FAT4: variants seen among roughly 807,000 people sequenced by gnomAD.
The protein encoded by FAT4 is FAT atypical cadherin 4.
Under a neutral mutation model 303.9 loss-of-function variants are expected in FAT4, and 84 were observed. That is an observed-to-expected ratio of 0.28 (90% CI 0.23 to 0.33). The LOEUF is 0.33. Among genes scored for constraint, FAT4 ranks in the 10% least tolerant of loss-of-function variants. The probability of loss-of-function intolerance (pLI) is 1.00; values close to 1 mark genes in which losing one functional copy is unlikely to be tolerated. For synonymous variants in FAT4, 2,307 were observed against 2,298.8 expected, an observed-to-expected ratio of 1.00 and a Z score of -0.10; for missense variants, 6,005 against 6,146.8, an observed-to-expected ratio of 0.98 and a Z score of 0.77.
Position 125,491,279 on chromosome 4 carries a change from C to A in FAT4, c.14463C>A (p.Cys4821Ter). Residue 4821 changes from cysteine (C) to a stop codon, truncating the protein, a stop_gained, in exon 18 of 18, where the codon TGC becomes TGA. Coordinates refer to ENST00000394329, the MANE Select transcript of FAT4 (RefSeq NM_001291303.3). LOFTEE classifies it high-confidence loss of function. ...GGAGGTCTTCTTCAGAGGAGGACTG[C>A]AGAAGGCCACTGTCTAGAACAAGGA... Reference protein sequence around the residue: ...DHGRSSSEEDCRRPLSRTRNP... With the variant: ...DHGRSSSEED The A allele has an allele frequency of 6.2e-7, 1 of 1,614,118 alleles. No individual in the cohort carries two copies. Among genetic ancestry groups the A allele is most frequent in the Non-Finnish European group, 8.5e-7 (1 of 1,180,026 alleles).
rs765717607 is a variant in FAT4 at position 125,490,538 on chromosome 4, G to A, written c.13722G>A (p.Arg4574=). 5.0e-6 allele frequency: 8 copies of A among 1,614,024 alleles called. No individual in the cohort carries two copies. The East Asian group carries it at 8.9e-5, about 18-fold the overall frequency. The stretch of plus-strand genomic sequence containing the variant: ...CCTATGGGGATGACATGACTGTGAG[G>A]AAGCAGCCTGAAGGGAACCCAAAAC... The part of the protein sequence containing the change: ...IPPYGDDMTV[R]KQPEGNPKPD... Residue 4574 remains arginine, a synonymous_variant, in exon 18 of 18, where the codon AGG becomes AGA. Transcript: ENST00000394329.
intron 7 of FAT4, among the ~76,000 whole-genome samples, chr4:125,420,939 G>T (rs1724849111): frequency 6.6e-6 from 1 of 152,074 alleles, no homozygotes; most frequent in South Asian, 2.1e-4. Context: ...TTGTTTGTTT[G>T]TTTGTTTTGG....
chr4:125,412,060 A>G (rs1427405154), intron 5 of FAT4, among the ~76,000 whole-genome samples: 1 of 151,828 alleles, frequency 6.6e-6, no homozygotes, highest in Admixed American at 6.6e-5. Context: ...AATTCAAAAC[A>G]ATGTAAAAAT....
intron 8 of FAT4, 126 bp from the exon 9 acceptor site, chr4:125,446,167 A>T (rs879567932): frequency 2.0e-5 from 16 of 783,918 alleles, no homozygotes; most frequent in Non-Finnish European, 3.2e-5. Flanking sequence ...TATTCTTTCC[A>T]ACATTGTTGT....
At position 125,320,125 on chromosome 4, in the gene FAT4, T is replaced by G. The variant is rs780746680; in HGVS notation, c.3714T>G (p.Asp1238Glu). 3.1e-6 allele frequency: 5 copies of G among 1,614,050 alleles called. No homozygotes were observed. The East Asian group carries it at 1.1e-4, about 36-fold the overall frequency. Reference sequence around the variant, plus strand: ...TAAGAGTATCTGCCTCAGATGTTGATGAAGGTAATAATGGACTTATTCACT... The same window carrying G: ...TAAGAGTATCTGCCTCAGATGTTGAGGAAGGTAATAATGGACTTATTCACT... ...QVLRVSASDVDEGNNGLIHYS... is the reference protein window; with the variant it reads ...QVLRVSASDVEEGNNGLIHYS... The change falls in exon 2 of 18, where the codon GAT becomes GAG. Residue 1238 changes from aspartate (D) to glutamate (E), a missense_variant. Coordinates refer to ENST00000394329, the MANE Select transcript of FAT4 (RefSeq NM_001291303.3).
chr4:125,467,074 G>A (rs1042288995), intron 11 of FAT4, among the ~76,000 whole-genome samples: 2 of 152,054 alleles, frequency 1.3e-5, no homozygotes, highest in African/African-American at 2.4e-5. Context: ...ACCATGCCTG[G>A]CCAAAATGAT....
chr4:125,317,559 C>T lies in FAT4; in HGVS notation c.1148C>T (p.Thr383Met). ...ACCGTGGTGGCTCTGCTCACCGTGA[C>T]GGACGCAGATTCTCCCGCGGCCAAC... is the stretch of plus-strand genomic sequence containing the variant. The part of the protein sequence containing the change: ...VGTVVALLTV[T>M]DADSPAANGN... Residue 383 changes from threonine (T) to methionine (M), a missense_variant, in exon 2 of 18, where the codon ACG (threonine) becomes ATG (methionine). Thr to Met is a moderately conservative substitution (Grantham distance 81). Coordinates refer to ENST00000394329, the MANE Select transcript of FAT4 (RefSeq NM_001291303.3). This position sits in a 1 kb window ranked among gnomAD's most constrained non-coding sequence, Gnocchi z 7.0. 6.2e-7 allele frequency: 1 copy of T among 1,613,888 alleles called. No homozygotes were observed. Among genetic ancestry groups the T allele is most frequent in the South Asian group, 1.1e-5 (1 of 91,062 alleles).
intron 2 of FAT4, among the ~76,000 whole-genome samples, chr4:125,374,083 G>A (rs973913811): frequency 6.6e-6 from 1 of 152,004 alleles, no homozygotes; most frequent in African/African-American, 2.4e-5. Flanking sequence ...CTTTGGCTTG[G>A]GATTTTTTTA....
In FAT4 at chr4:125,320,346, C is replaced by T; in HGVS notation, c.3935C>T (p.Thr1312Ile). 2 of 1,613,668 alleles carry T rather than the reference C, an allele frequency of 1.2e-6. No homozygotes were observed. Among genetic ancestry groups the T allele is most frequent in the African/African-American group, 1.3e-5 (1 of 75,006 alleles). Residue 1312 changes from threonine to isoleucine, a missense_variant, in exon 2 of 18, where the codon ACC becomes ATC. Physicochemically the swap from Thr to Ile is moderately conservative, Grantham distance 89. Transcript: ENST00000394329. ...NIDILDENDN[T>I]PSFPKSTLFV... is the part of the protein sequence containing the mutation. Reference sequence around the variant, plus strand: ...GATATTTTAGATGAAAATGACAATACCCCTTCTTTCCCTAAATCAACACTC... The same window carrying T: ...GATATTTTAGATGAAAATGACAATATCCCTTCTTTCCCTAAATCAACACTC...
intron 2 of FAT4, among the ~76,000 whole-genome samples, chr4:125,368,610 A>G (rs1479491146): frequency 6.6e-6 from 1 of 150,756 alleles, no homozygotes; most frequent in African/African-American, 2.4e-5. Flanking sequence ...CTGAAACTCA[A>G]AACTGAATGC....
rs192008231 is a variant in FAT4 at position 125,416,191 on chromosome 4, C to T, written c.6844-257C>T. 1.6e-3 allele frequency among the ~76,000 whole-genome samples: 251 copies of T among 152,228 alleles called. 2 individuals are homozygous for T. Among genetic ancestry groups the T allele is most frequent in the African/African-American group, 5.3e-3 (222 of 41,538 alleles). On this transcript the variant is annotated intron_variant, in intron 6 of 17. Transcript: ENST00000394329. ...TCTTTTCCTTCATATATTTAACTAC[C>T]TAGGTGAAACTGCTCTTAAAAATTT...
In FAT4 at chr4:125,487,504, A is replaced by G. The variant is rs1343826081; in HGVS notation, c.12982A>G (p.Arg4328Gly). Residue 4328 changes from arginine to glycine, a missense_variant, in exon 17 of 18, where the codon AGA (arginine) becomes GGA (glycine). Arg to Gly is a moderately radical substitution (Grantham distance 125, BLOSUM62 -2). Transcript: ENST00000394329. ...TVLSVDRIYN[R>G]DIIHPTQDFG... The stretch of plus-strand genomic sequence containing the variant: ...ATTGTCTGTTGACAGAATATATAAC[A>G]GAGATATTATCCACCCTACTCAGGA... 1 of 1,613,994 alleles carries G rather than the reference A, an allele frequency of 6.2e-7. No individual in the cohort carries two copies. Among genetic ancestry groups the G allele is most frequent in the Non-Finnish European group, 8.5e-7 (1 of 1,179,984 alleles).
At chr4:125,488,257 AATG>A (rs1727481497) in intron 17 of FAT4, among the ~76,000 whole-genome samples, 1 of 152,228 alleles carries the variant, frequency 6.6e-6, no homozygotes, top group African/African-American at 2.4e-5. Context: ...ATCATAGGCA[AATG>A]ATGAAGTTGG....
chr4:125,446,715 GAA>G (rs2126055047), intron 9 of FAT4, among the ~76,000 whole-genome samples, 172 bp downstream of exon 9: 1 of 152,064 alleles, frequency 6.6e-6, no homozygotes, highest in African/African-American at 2.4e-5. Flanking sequence ...CTTGAAACTT[GAA>G]AATTAACCCT....
In FAT4 at chr4:125,450,571, T is replaced by G. The variant is rs1341552385; in HGVS notation, c.9561T>G (p.Ile3187Met). The change falls in exon 10 of 18, where the codon ATT becomes ATG. Residue 3187 changes from isoleucine to methionine, a missense_variant. By Grantham distance (10) the Ile-to-Met change is conservative. Transcript: ENST00000394329. ...TGYCSVTVNV[I>M]DVNDNSPVFL... ...ACTGCAGTGTGACCGTAAATGTGAT[T>G]GATGTGAATGATAATTCTCCAGTAT... 2 of 1,614,088 alleles carry G rather than the reference T, an allele frequency of 1.2e-6. No homozygotes were observed. The highest frequency in any genetic ancestry group is 2.2e-5 in the East Asian group (1 of 44,874).
chr4:125,345,076 T>TA (rs1243448529), intron 2 of FAT4, among the ~76,000 whole-genome samples: 1 of 152,102 alleles, frequency 6.6e-6, no homozygotes, highest in African/African-American at 2.4e-5. Flanking sequence ...GAACTGCTAG[T>TA]AAAAACAAAG....
chr4:125,353,949 T>A (rs138182499), intron 2 of FAT4, among the ~76,000 whole-genome samples: 51 of 151,826 alleles, frequency 3.4e-4, no homozygotes, highest in Non-Finnish European at 6.2e-4. Flanking sequence ...CAATAAAAAA[T>A]TGTGTTTTAA....
intron 2 of FAT4, among the ~76,000 whole-genome samples, chr4:125,343,601 G>A (rs1296624580): frequency 6.6e-6 from 1 of 152,054 alleles, no homozygotes; most frequent in Non-Finnish European, 1.5e-5. Context: ...CTGAGTTCGA[G>A]TATTGACTAC....
intron 7 of FAT4, among the ~76,000 whole-genome samples, chr4:125,432,748 T>G (rs1725323385): frequency 6.6e-6 from 1 of 152,094 alleles, no homozygotes. Flanking sequence ...TTTTAGATAT[T>G]TCTTAGACGT....
Sources: gnomAD v4.1 joint callset for allele counts (sites outside exome capture counted in the v4.1 genomes callset) on GRCh38, gnomAD v4.1.1 for gene constraint, Gnocchi (gnomAD v3.1) non-coding constraint, MANE v1.5 for transcripts, NCBI Gene and HGNC (gene_info 2026-07-23, HGNC 2026-07-21) for gene names.